Variants in C12orf50 observed in about 807,000 individuals in gnomAD.
C12orf50 encodes the protein zinc finger CCCH-type containing 11D, also known as uncharacterized protein C12orf50.
In C12orf50, 35 loss-of-function variants were observed where a neutral mutation model predicts 61.6. That is an observed-to-expected ratio of 0.57 (90% CI 0.43 to 0.75). The LOEUF (loss-of-function observed/expected upper bound fraction) is 0.75. Among genes scored for constraint, C12orf50 ranks in the 30% least tolerant of loss-of-function variants. C12orf50 has a pLI of 0.00. For missense variants in C12orf50, 475 were observed against 488.5 expected (o/e 0.97, Z 0.26); for synonymous variants, 178 against 161.5 (o/e 1.10, Z -0.77).
Position 87,983,110 on chromosome 12 carries a change from T to A in C12orf50, c.1212A>T (p.Ile404=). 6.4e-7 allele frequency: 1 copy of A among 1,572,538 alleles called. No individual in the cohort carries two copies. Among genetic ancestry groups the A allele is most frequent in the Non-Finnish European group, 8.7e-7 (1 of 1,145,684 alleles). Residue 404 remains isoleucine (I), a synonymous_variant, in exon 12 of 13, where the codon ATA becomes ATT. Coordinates refer to ENST00000298699, the MANE Select transcript of C12orf50 (RefSeq NM_152589.3). ...FSKTYSKSEK[I]YPEPRRNGSK ...CCACTTATAAATAGTTACCTGGATA[T>A]ATCTTTTCACTTTTTGAATATGTTT...
In C12orf50 at chr12:88,011,730, T is replaced by TA. The variant is rs1341774469; in HGVS notation, c.134-13541dup. ...AAATCTAGTTCTGGAGCTTCTGGAG[T>TA]AACTGTAGTACATAGAGAAGGACAC... On this transcript the variant is annotated intron_variant, in intron 3 of 12. Transcript: ENST00000298699. 2.0e-5 allele frequency among the ~76,000 whole-genome samples: 3 copies of TA among 152,098 alleles called. No homozygotes were observed. In the East Asian group the frequency reaches 5.8e-4, roughly 29 times the overall value.
chr12:88,010,036 C>T (rs1357649904), intron 3 of C12orf50, among the ~76,000 whole-genome samples: 2 of 152,076 alleles, frequency 1.3e-5, no homozygotes, highest in South Asian at 2.1e-4. Context: ...GAAAAGACCA[C>T]CCATTACTCA....
chr12:88,004,512 C>T (rs1452963610), intron 3 of C12orf50, among the ~76,000 whole-genome samples: 1 of 152,158 alleles, frequency 6.6e-6, no homozygotes, highest in African/African-American at 2.4e-5. Flanking sequence ...GAACTTAAAA[C>T]AGAAATACCA....
intron 1 of C12orf50, 77 bp from the exon 2 acceptor site, chr12:88,027,147 T>G: frequency 7.3e-7 from 1 of 1,361,854 alleles, no homozygotes. Context: ...TGCTAATTAG[T>G]TAAACGAAAT....
chr12:88,020,048 TA>T (rs1223212232), intron 3 of C12orf50, among the ~76,000 whole-genome samples: 2 of 152,124 alleles, frequency 1.3e-5, no homozygotes, highest in Non-Finnish European at 2.9e-5. Flanking sequence ...ATACACTAAA[TA>T]CGGAAAGGAA....
At chr12:87,992,975 A>G (rs1199080452) in intron 7 of C12orf50, among the ~76,000 whole-genome samples, 1 of 152,152 alleles carries the variant, frequency 6.6e-6, no homozygotes, top group African/African-American at 2.4e-5. Context: ...AGATATATCT[A>G]TCATATACAC....
intron 3 of C12orf50, among the ~76,000 whole-genome samples, chr12:88,010,458 AATT>A (rs1334793723): frequency 8.5e-6 from 1 of 118,066 alleles, no homozygotes; most frequent in Non-Finnish European, 1.6e-5. Context: ...ATAAGATTAA[AATT>A]ATTATAATCT....
intron 9 of C12orf50, 51 bp from the exon 10 acceptor site, chr12:87,986,467 G>T: frequency 1.6e-5 from 21 of 1,278,998 alleles, no homozygotes; most frequent in Non-Finnish European, 2.3e-5. Context: ...TTTCATCTCT[G>T]AAATTACTGT....
At chr12:87,984,176 C>A (rs1389858759) in intron 11 of C12orf50, 1 of 152,092 alleles carries the variant, frequency 6.6e-6, no homozygotes, top group Non-Finnish European at 1.5e-5. Context: ...CTTTTGGATG[C>A]ATAAATGTCT....
chr12:87,989,267 T>C lies in C12orf50; in HGVS notation c.697A>G (p.Lys233Glu). 6.3e-7 allele frequency: 1 copy of C among 1,586,088 alleles called. No individual in the cohort carries two copies. The highest frequency in any genetic ancestry group is 8.6e-7 in the Non-Finnish European group (1 of 1,157,000). ...AAAATTATATAATATTCATTACCTT[T>C]AGTATTTGAACATTTTGATATGGTG... ...EITISKCSNT[K>E]DNKDSPHPKH... The change falls in exon 8 of 13, where the codon AAA becomes GAA. Residue 233 changes from lysine (K) to glutamate (E), a missense_variant. Lys to Glu is a moderately conservative substitution (Grantham distance 56). Transcript: ENST00000298699.
chr12:87,992,739 C>T (rs997778814), intron 7 of C12orf50, among the ~76,000 whole-genome samples: 2 of 152,030 alleles, frequency 1.3e-5, no homozygotes, highest in Non-Finnish European at 2.9e-5. Flanking sequence ...TCTGGAGTAC[C>T]ATAAATATGG....
At chr12:88,026,646 A>G (rs1011094369) in intron 2 of C12orf50, 38 bp from the exon 3 acceptor site, 6 of 1,605,602 alleles carry the variant, frequency 3.7e-6, no homozygotes, top group African/African-American at 1.3e-5. Flanking sequence ...TAATGATTAG[A>G]TGCCATATTT....
rs1293616502 is a variant in C12orf50 at position 87,998,087 on chromosome 12, A to G, written c.237T>C (p.Pro79=). The G allele has an allele frequency of 2.5e-6, 4 of 1,612,880 alleles. No individual in the cohort carries two copies. The highest frequency in any genetic ancestry group is 3.4e-6 in the Non-Finnish European group (4 of 1,179,378). The change falls in exon 4 of 13, where the codon CCT becomes CCC. Residue 79 remains proline (P), a synonymous_variant. Transcript: ENST00000298699. ...QENISRPIHH[P]LVLKTNFEEE... Reference sequence around the variant, plus strand: ...CCTCAAAATTAGTTTTTAAAACTAAAGGATGGTGGATGGGTCGTGATATAT... The same window carrying G: ...CCTCAAAATTAGTTTTTAAAACTAAGGGATGGTGGATGGGTCGTGATATAT...
chr12:87,987,821 G>T (rs2030904181), intron 9 of C12orf50, 29 bp downstream of exon 9: 2 of 1,399,220 alleles, frequency 1.4e-6, no homozygotes, highest in Non-Finnish European at 2.0e-6. Flanking sequence ...TATATCTGAG[G>T]CCAAAAAGTG....
intron 3 of C12orf50, among the ~76,000 whole-genome samples, chr12:88,004,354 T>C (rs550593412): frequency 6.6e-6 from 1 of 152,264 alleles, no homozygotes; most frequent in South Asian, 2.1e-4. Flanking sequence ...AGATACTATC[T>C]CACACTAATC....
At chr12:87,994,803 T>G in intron 6 of C12orf50, 60 bp from the exon 7 acceptor site, 2 of 1,082,564 alleles carry the variant, frequency 1.8e-6, no homozygotes, top group Non-Finnish European at 2.8e-6. Context: ...AATAAGAAAT[T>G]TATGATAGAA....
intron 11 of C12orf50, 133 bp downstream of exon 11, chr12:87,985,717 A>C: frequency 1.2e-6 from 1 of 803,400 alleles, no homozygotes; most frequent in Non-Finnish European, 2.1e-6. Context: ...TCCTCTCACT[A>C]GTTTCTATGG....
At chr12:88,012,527 C>T (rs1308867817) in intron 3 of C12orf50, among the ~76,000 whole-genome samples, 3 of 152,148 alleles carry the variant, frequency 2.0e-5, no homozygotes, top group Non-Finnish European at 4.4e-5. Context: ...AGAGGTTCTT[C>T]GCAAATTATT....
intron 3 of C12orf50, among the ~76,000 whole-genome samples, chr12:88,009,364 G>A (rs2032012421): frequency 6.6e-6 from 1 of 151,844 alleles, no homozygotes. Flanking sequence ...ATCTCAAAGT[G>A]CTTTCTGTTT....
Sources: gnomAD v4.1 joint callset for allele counts (sites outside exome capture counted in the v4.1 genomes callset) on GRCh38, gnomAD v4.1.1 for gene constraint, MANE v1.5 for transcripts, NCBI Gene and HGNC (gene_info 2026-07-23, HGNC 2026-07-21) for gene names.